Variants in CYP17A1 observed in about 807,000 individuals in gnomAD.
The protein encoded by CYP17A1 is steroid 17-alpha-hydroxylase/17,20 lyase.
In CYP17A1, 27 loss-of-function variants were observed where a neutral mutation model predicts 38.5. The ratio of observed to expected loss-of-function variants is 0.70; its 90% CI spans 0.52 to 0.97. The LOEUF (loss-of-function observed/expected upper bound fraction) is 0.97. Ranked by LOEUF, CYP17A1 falls within the 50% of genes least tolerant of loss-of-function variation. CYP17A1 has a pLI of 0.00. For synonymous variants in CYP17A1, 263 were observed against 253.3 expected (o/e 1.04, Z -0.36); for missense variants, 549 against 645.9 (o/e 0.85, Z 1.63).
chr10:102,834,440 T>C (rs1844132718), intron 3 of CYP17A1: 1 of 551,272 alleles, frequency 1.8e-6, no homozygotes, highest in Non-Finnish European at 3.3e-6. Flanking sequence ...GACAAGCTCC[T>C]TAACCCCGCT....
In CYP17A1 at chr10:102,833,018, A is replaced by G. The variant is rs533453265; in HGVS notation, c.944T>C (p.Leu315Pro). 2.5e-6 allele frequency: 4 copies of G among 1,614,206 alleles called. No individual in the cohort carries two copies. The highest frequency in any genetic ancestry group is 2.7e-5 in the African/African-American group (2 of 75,052). The change falls in exon 5 of 8, where the codon CTG (leucine) becomes CCG (proline). Residue 315 changes from leucine to proline, a missense_variant. Coordinates refer to ENST00000369887, the MANE Select transcript of CYP17A1 (RefSeq NM_000102.4). ...ETTTSVVKWT[L>P]AFLLHNPQVK... Reference sequence around the variant, plus strand: ...CTGAGGATTGTGCAGCAGGAAGGCCAGGGTCCATTTAACCACAGAGGTGGT... The same window carrying G: ...CTGAGGATTGTGCAGCAGGAAGGCCGGGGTCCATTTAACCACAGAGGTGGT...
At position 102,837,330 on chromosome 10, in the gene CYP17A1, G is replaced by C; in HGVS notation, c.32C>G (p.Thr11Ser). MWELVALLLLTLAYLFWPKRR... is the reference protein window; with the variant it reads MWELVALLLLSLAYLFWPKRR... ...CTTGGGCCAAAACAAATAAGCTAGG[G>C]TAAGCAGCAAGAGAGCCACGAGCTC... is the stretch of plus-strand genomic sequence containing the variant. The change falls in exon 1 of 8, where the codon ACC becomes AGC. Residue 11 changes from threonine (T) to serine (S), a missense_variant. Thr to Ser is a moderately conservative substitution (Grantham distance 58). Transcript: ENST00000369887. The C allele has an allele frequency of 1.2e-6, 2 of 1,612,686 alleles. No individual in the cohort carries two copies. The highest frequency in any genetic ancestry group is 1.7e-6 in the Non-Finnish European group (2 of 1,178,638).
intron 3 of CYP17A1, 101 bp downstream of exon 3, chr10:102,834,683 AG>A: frequency 7.7e-6 from 12 of 1,555,328 alleles, no homozygotes; most frequent in Non-Finnish European, 1.1e-5. Context: ...ATCAGGAAAA[AG>A]ATGGGTCATT....
chr10:102,834,812 G>A lies in CYP17A1; in HGVS notation c.639C>T (p.Ser213=). 1 of 1,614,160 alleles carries A rather than the reference G, an allele frequency of 6.2e-7. No individual in the cohort carries two copies. Among genetic ancestry groups the A allele is most frequent in the Non-Finnish European group, 8.5e-7 (1 of 1,180,036 alleles). ...TCAACCAGGGGACTAGGTCCACCAG[G>A]CTGTCTTTGCTCAGGTTGTCTATGA... ...EGIIDNLSKD[S]LVDLVPWLKI... is the part of the protein sequence containing the mutation. The change falls in exon 3 of 8, where the codon AGC becomes AGT. Residue 213 remains serine (S), a synonymous_variant. Coordinates refer to ENST00000369887, the MANE Select transcript of CYP17A1 (RefSeq NM_000102.4).
intron 4 of CYP17A1, 142 bp downstream of exon 4, chr10:102,833,890 CCCTT>C: frequency 1.6e-6 from 1 of 640,860 alleles, no homozygotes; most frequent in Non-Finnish European, 2.8e-6. Context: ...CCGCGCCCAG[CCCTT>C]AAGTCAGTTT....
At chr10:102,831,486 G>A in intron 7 of CYP17A1, 22 bp downstream of exon 7, 14 of 1,613,450 alleles carry the variant, frequency 8.7e-6, no homozygotes, top group Non-Finnish European at 1.2e-5. Context: ...GTGGCCCAGG[G>A]CGCAGGACAG....
At position 102,832,604 on chromosome 10, in the gene CYP17A1, C is replaced by T. The variant is rs902026264; in HGVS notation, c.1046G>A (p.Arg349His). The T allele has an allele frequency of 2.1e-5, 33 of 1,603,926 alleles. No homozygotes were observed. The highest frequency in any genetic ancestry group is 3.3e-5 in the South Asian group (3 of 90,914). Residue 349 changes from arginine (R) to histidine (H), a missense_variant, in exon 6 of 8, where the codon CGT becomes CAT. This residue lies in a region of CYP17A1 where 257 missense variants were observed against 307.9 expected (regional missense o/e 0.83). Transcript: ENST00000369887. Reference protein sequence around the residue: ...SRTPTISDRNRLLLLEATIRE... With the variant: ...SRTPTISDRNHLLLLEATIRE... ...GATGGTGGCCTCCAGCAGGAGGAGA[C>T]GGTTACGGTCACTGATAGTTGGTGT... is the stretch of plus-strand genomic sequence containing the variant.
intron 4 of CYP17A1, 159 bp from the exon 5 acceptor site, chr10:102,833,367 C>G: frequency 7.0e-7 from 1 of 1,427,490 alleles, no homozygotes; most frequent in East Asian, 2.5e-5. Context: ...TAGGAGGCAG[C>G]CCCGGGCCCT....
At chr10:102,836,101 T>G (rs964451191) in intron 1 of CYP17A1, among the ~76,000 whole-genome samples, 2 of 152,030 alleles carry the variant, frequency 1.3e-5, no homozygotes, top group African/African-American at 4.8e-5. Context: ...GGGAGCTAGG[T>G]AGTTGGTCAG....
rs1844103813 is a variant in CYP17A1, at chr10:102,832,527, C to T, written c.1123G>A (p.Ala375Thr). The change falls in exon 6 of 8, where the codon GCC becomes ACC. Residue 375 changes from alanine to threonine, a missense_variant. Transcript: ENST00000369887. The stretch of plus-strand genomic sequence containing the variant: ...CAGGCACACCTGGAGTCAACGTTGG[C>T]CTTGTGGGGGATGAGCATAGGGGCC... ...PVAPMLIPHK[A>T]NVDSSIGEFA... is the part of the protein sequence containing the mutation. 3 of 1,609,588 alleles carry T rather than the reference C, an allele frequency of 1.9e-6. No homozygotes were observed.
chr10:102,834,767 G>C lies in CYP17A1; in HGVS notation c.666+18C>G. The stretch of plus-strand genomic sequence containing the variant: ...CAGGGTCTACTAGAACCTGAAGGCA[G>C]GGCTGGCAGCATCTCACCTTCAACC... On this transcript the variant is annotated intron_variant, in intron 3 of 7. Transcript: ENST00000369887. 5.0e-6 allele frequency: 8 copies of C among 1,614,144 alleles called. No homozygotes were observed. In the African/African-American group the frequency reaches 5.3e-5, roughly 11 times the overall value.
intron 2 of CYP17A1, 105 bp from the exon 3 acceptor site, chr10:102,835,119 A>G: frequency 9.2e-7 from 1 of 1,082,360 alleles, no homozygotes; most frequent in Non-Finnish European, 1.4e-6. Context: ...GCAGATGGCC[A>G]CTAGATGGCA....
Position 102,834,795 on chromosome 10 carries a change from G to T in CYP17A1, c.656C>A (p.Pro219His). ...LSKDSLVDLVPWLKIFPNKTL... is the reference protein window; with the variant it reads ...LSKDSLVDLVHWLKIFPNKTL... ...CTGGCAGCATCTCACCTTCAACCAG[G>T]GGACTAGGTCCACCAGGCTGTCTTT... Residue 219 changes from proline to histidine, a missense_variant, in exon 3 of 8, where the codon CCC becomes CAC. Pro to His is a moderately conservative substitution (Grantham distance 77, BLOSUM62 -2). This residue lies in a region of CYP17A1 where 289 missense variants were observed against 320.9 expected (regional missense o/e 0.90). Transcript: ENST00000369887. The T allele has an allele frequency of 6.2e-7, 1 of 1,614,094 alleles. No homozygotes were observed. Among genetic ancestry groups the T allele is most frequent in the Non-Finnish European group, 8.5e-7 (1 of 1,180,026 alleles).
chr10:102,835,193 TC>T (rs1844145043), intron 2 of CYP17A1, 60 bp downstream of exon 2: 3 of 1,492,886 alleles, frequency 2.0e-6, no homozygotes, highest in African/African-American at 2.8e-5. Context: ...CCAACCCTCC[TC>T]TCCCTCCAGC....
rs1844073415 is a variant in CYP17A1 at position 102,830,622 on chromosome 10, C to A, written c.*80G>T. 2.5e-6 allele frequency: 2 copies of A among 803,730 alleles called. No homozygotes were observed. The highest frequency in any genetic ancestry group is 1.5e-5 in the South Asian group (1 of 68,804). 49.8% of individuals were successfully genotyped at this position (803,730 alleles called of 1,614,324 possible). A position where few individuals can be genotyped will look rare whatever the true frequency, so the allele number is the denominator to read the frequency against. On this transcript the variant is annotated 3_prime_UTR_variant, in exon 8 of 8. Transcript: ENST00000369887. The surrounding 1 kb of genome is among the most constrained non-coding windows in gnomAD (Gnocchi z 4.1). ...GTGGGTTGGGAGTAGGGAAGAATGG[C>A]GGAGAAGGGTGGGGGGTTGTATCTC... is the stretch of plus-strand genomic sequence containing the variant.
At chr10:102,835,488 G>A in intron 1 of CYP17A1, 96 bp from the exon 2 acceptor site, 1 of 1,072,498 alleles carries the variant, frequency 9.3e-7, no homozygotes, top group Non-Finnish European at 1.5e-6. Context: ...GGAGGAGAAG[G>A]CAGGTACCTG....
At chr10:102,831,372 G>C in intron 7 of CYP17A1, 136 bp downstream of exon 7, 2 of 1,406,132 alleles carry the variant, frequency 1.4e-6, no homozygotes, top group Middle Eastern at 4.7e-4. Flanking sequence ...GGCAGGATGA[G>C]GGTGTCAACA....
In CYP17A1 at chr10:102,832,620, T is replaced by C. The variant is rs1257415388; in HGVS notation, c.1030A>G (p.Ile344Val). ...AGGAGGAGACGGTTACGGTCACTGA[T>C]AGTTGGTGTGCGGCTGAAACCCACA... ...QNVGFSRTPT[I>V]SDRNRLLLLE... is the part of the protein sequence containing the mutation. The change falls in exon 6 of 8, where the codon ATC (isoleucine) becomes GTC (valine). Residue 344 changes from isoleucine to valine, a missense_variant. Coordinates refer to ENST00000369887, the MANE Select transcript of CYP17A1 (RefSeq NM_000102.4). 1.9e-6 allele frequency: 3 copies of C among 1,604,190 alleles called. No homozygotes were observed. The highest frequency in any genetic ancestry group is 2.6e-6 in the Non-Finnish European group (3 of 1,170,876).
At chr10:102,835,565 C>A in intron 1 of CYP17A1, 173 bp from the exon 2 acceptor site, 1 of 701,464 alleles carries the variant, frequency 1.4e-6, no homozygotes, top group Non-Finnish European at 2.6e-6. Flanking sequence ...CTTGGTAGGA[C>A]AGACCCTAAG....
Sources: gnomAD v4.1 joint callset for allele counts (sites outside exome capture counted in the v4.1 genomes callset) on GRCh38, gnomAD v4.1.1 for gene constraint, gnomAD v4.1.1 regional missense constraint, Gnocchi (gnomAD v3.1) non-coding constraint, MANE v1.5 for transcripts, NCBI Gene and HGNC (gene_info 2026-07-23, HGNC 2026-07-21) for gene names.